IRAK3: variants seen among roughly 807,000 people sequenced by gnomAD.
IRAK3 encodes interleukin 1 receptor associated kinase 3.
In IRAK3, 57 loss-of-function variants were observed where a neutral mutation model predicts 56.6. That is an observed-to-expected ratio of 1.01 (90% CI 0.81 to 1.26). The LOEUF (loss-of-function observed/expected upper bound fraction) is 1.26, where lower values mean the gene tolerates loss of function less well. IRAK3 is among the 50% of genes most tolerant of loss of function. IRAK3 has a pLI of 0.00. For missense variants in IRAK3, 703 were observed against 719.0 expected (o/e 0.98, Z 0.25); for synonymous variants, 258 against 255.7 (o/e 1.01, Z -0.09).
At chr12:66,197,002 G>A (rs11465944) in intron 1 of IRAK3, 57,446 of 1,533,858 alleles carry the variant, frequency 0.037, 1,270 homozygotes, top group Non-Finnish European at 0.043. Context: ...AACCCCTTCA[G>A]AGACATATTT....
chr12:66,189,566 G>A, intron 1 of IRAK3, 134 bp downstream of exon 1: 3 of 471,038 alleles, frequency 6.4e-6, no homozygotes, highest in South Asian at 9.6e-5. Context: ...CAGGGAGCCG[G>A]CCCCCTCCTT....
At chr12:66,221,202 T>G (rs754307490) in intron 6 of IRAK3, among the ~76,000 whole-genome samples, 12 of 152,228 alleles carry the variant, frequency 7.9e-5, no homozygotes, top group Non-Finnish European at 1.5e-4. Context: ...CATAGTTGAT[T>G]TTTATATGTT....
intron 6 of IRAK3, among the ~76,000 whole-genome samples, chr12:66,219,772 G>A (rs561467218): frequency 9.9e-5 from 15 of 152,130 alleles, no homozygotes; most frequent in Non-Finnish European, 1.8e-4. Context: ...ATCTCATTGT[G>A]GTTTTGATTT....
chr12:66,198,245 C>T (rs12823414), intron 1 of IRAK3: 18,653 of 267,186 alleles, frequency 0.07, 1,175 homozygotes, highest in East Asian at 0.42. Context: ...GTCTGTCAAT[C>T]AGCAAAAATA....
At chr12:66,219,323 G>A (rs1377767908) in intron 6 of IRAK3, among the ~76,000 whole-genome samples, 3 of 152,180 alleles carry the variant, frequency 2.0e-5, no homozygotes, top group Non-Finnish European at 4.4e-5. Context: ...AATCACGGGG[G>A]CAGTTTCTCC....
intron 8 of IRAK3, among the ~76,000 whole-genome samples, chr12:66,240,258 G>T (rs995039991): frequency 6.6e-6 from 1 of 152,158 alleles, no homozygotes; most frequent in African/African-American, 2.4e-5. Flanking sequence ...GGCTTAGGGG[G>T]GTTGTGCTAG....
intron 1 of IRAK3, chr12:66,197,257 A>G: frequency 1.7e-6 from 2 of 1,176,972 alleles, no homozygotes; most frequent in Non-Finnish European, 2.1e-6. Context: ...TATCAACATA[A>G]TTAGTCATTG....
chr12:66,214,370 C>CAA (rs995844616), intron 5 of IRAK3, among the ~76,000 whole-genome samples: 2 of 144,850 alleles, frequency 1.4e-5, no homozygotes, highest in African/African-American at 5.1e-5. Context: ...CCAAGAAATA[C>CAA]AAAAAAAAAA....
intron 6 of IRAK3, among the ~76,000 whole-genome samples, chr12:66,225,422 G>C (rs1034470801): frequency 2.6e-5 from 4 of 151,794 alleles, no homozygotes; most frequent in Non-Finnish European, 5.9e-5. Context: ...TCCTTGAAGA[G>C]GAAGAAAAGG....
rs183100686 is a variant in IRAK3, at chr12:66,231,148, G to A, written c.887+2778G>A. On this transcript the variant is annotated intron_variant, in intron 8 of 11. Transcript: ENST00000261233. ...TTTACTTAACACTCTTACCTCTATC[G>A]TCAATTTATAGTGTTTGAAAAGTGG... Among the ~76,000 whole-genome samples the A allele has an allele frequency of 2.2e-3, 330 of 152,198 alleles. 2 individuals carry two copies. The highest frequency in any genetic ancestry group is 7.7e-3 in the African/African-American group (320 of 41,540).
intron 2 of IRAK3, 87 bp from the exon 3 acceptor site, chr12:66,209,369 A>G (rs147146852): frequency 2.6e-6 from 2 of 782,172 alleles, no homozygotes; most frequent in East Asian, 4.9e-5. Context: ...AATGGCTAGC[A>G]AGACATTTAT....
chr12:66,202,336 A>G (rs1224673860), intron 1 of IRAK3, among the ~76,000 whole-genome samples: 1 of 152,160 alleles, frequency 6.6e-6, no homozygotes, highest in Non-Finnish European at 1.5e-5. Flanking sequence ...TTGAGCTTCT[A>G]TACACCATTG....
chr12:66,244,804 TATTA>T, intron 9 of IRAK3, 120 bp downstream of exon 9: 1 of 1,075,810 alleles, frequency 9.3e-7, no homozygotes, highest in East Asian at 2.6e-5. Flanking sequence ...TCATCTTATA[TATTA>T]ATTTTGTGTA....
At chr12:66,201,477 G>A (rs1421787668) in intron 1 of IRAK3, among the ~76,000 whole-genome samples, 1 of 152,152 alleles carries the variant, frequency 6.6e-6, no homozygotes, top group Non-Finnish European at 1.5e-5. Context: ...ACCACCAAAA[G>A]CCCAAAACAC....
At chr12:66,228,647 C>T (rs531176735) in intron 8 of IRAK3, among the ~76,000 whole-genome samples, 1 of 150,304 alleles carries the variant, frequency 6.7e-6, no homozygotes, top group East Asian at 2.0e-4. Flanking sequence ...TACAGATGGT[C>T]CCAATTTATG....
intron 1 of IRAK3, chr12:66,198,367 T>C (rs2052474589): frequency 6.6e-6 from 1 of 152,440 alleles, no homozygotes; most frequent in Non-Finnish European, 1.5e-5. Context: ...CTCCAAGCAT[T>C]CTGGCCTTCC....
Position 66,254,258 on chromosome 12 carries a change from A to G in IRAK3, c.*6087A>G, listed in dbSNP as rs1565816373. The stretch of plus-strand genomic sequence containing the variant: ...AGGTATATTTCATGATGTTTATGAT[A>G]TTAAAACATTGGAAACAACTGAAAC... On this transcript the variant is annotated 3_prime_UTR_variant, in exon 12 of 12. Transcript: ENST00000261233. The G allele has an allele frequency of 6.6e-6, 1 of 152,218 alleles. No homozygotes were observed. Among genetic ancestry groups the G allele is most frequent in the African/African-American group, 2.4e-5 (1 of 41,456 alleles). The allele number at this position is 152,218 out of a possible 1,614,324, so 9.4% of individuals were successfully genotyped here.
chr12:66,221,872 T>C (rs989687692), intron 6 of IRAK3, among the ~76,000 whole-genome samples: 2 of 152,054 alleles, frequency 1.3e-5, no homozygotes, highest in African/African-American at 4.8e-5. Context: ...GTACTAAAAA[T>C]ATAAAAATTA....
At chr12:66,235,117 G>A in intron 8 of IRAK3, 1 of 1,613,802 alleles carries the variant, frequency 6.2e-7, no homozygotes, top group Non-Finnish European at 8.5e-7. Context: ...TCGTTTTGCT[G>A]AGCTGATCCC....
Sources: allele counts gnomAD v4.1 joint callset (sites outside exome capture counted in the v4.1 genomes callset), GRCh38; gene constraint gnomAD v4.1.1; transcripts MANE v1.5; gene names NCBI Gene and HGNC (gene_info 2026-07-23, HGNC 2026-07-21).